The following NBEA variants were observed in gnomAD, a reference collection of about 807,000 sequenced individuals.
NBEA encodes neurobeachin.
A neutral mutation model predicts 343.4 loss-of-function variants in NBEA; 44 were observed. The ratio of observed to expected loss-of-function variants is 0.13; its 90% CI spans 0.10 to 0.16. NBEA has a LOEUF of 0.16. NBEA is among the 10% of genes least tolerant of loss of function. The pLI, the probability that NBEA is intolerant of heterozygous loss-of-function variation, is 1.00. For synonymous variants in NBEA, 1,175 were observed against 1,238.7 expected, an observed-to-expected ratio of 0.95 and a Z score of 1.08; for missense variants, 2,555 against 3,631.3, an observed-to-expected ratio of 0.70 and a Z score of 7.62.
chr13:35,217,332 C>T (rs763734122), intron 33 of NBEA, among the ~76,000 whole-genome samples: 42 of 151,846 alleles, frequency 2.8e-4, no homozygotes, highest in Non-Finnish European at 5.0e-4. Flanking sequence ...CTGTTTCATC[C>T]TTTTAATGGG....
At chr13:35,444,229 T>C (rs1378814910) in intron 39 of NBEA, among the ~76,000 whole-genome samples, 2 of 151,974 alleles carry the variant, frequency 1.3e-5, no homozygotes, top group African/African-American at 2.4e-5. Context: ...TTGCACAAGA[T>C]TGTGTCATCA....
At chr13:35,198,756 T>G (rs2072807291) in intron 31 of NBEA, among the ~76,000 whole-genome samples, 1 of 151,504 alleles carries the variant, frequency 6.6e-6, no homozygotes, top group Non-Finnish European at 1.5e-5. Context: ...GTGATATTGA[T>G]GAAAGGAGGG....
intron 47 of NBEA, among the ~76,000 whole-genome samples, chr13:35,595,780 T>C (rs1010588558): frequency 6.6e-6 from 1 of 152,040 alleles, no homozygotes; most frequent in Non-Finnish European, 1.5e-5. Flanking sequence ...TGTGCAAGGG[T>C]ACCTCCTTCC....
intron 10 of NBEA, among the ~76,000 whole-genome samples, chr13:35,089,379 A>G (rs1311946629): frequency 1.3e-5 from 2 of 150,212 alleles, no homozygotes; most frequent in Non-Finnish European, 3.0e-5. Flanking sequence ...CACACCAGTT[A>G]GAATGGCAAT....
At chr13:35,143,708 C>T (rs114607098) in intron 18 of NBEA, among the ~76,000 whole-genome samples, 4,221 of 152,044 alleles carry the variant, frequency 0.028, 86 homozygotes, top group South Asian at 0.075. Context: ...AGATGCTAAG[C>T]TTCTGAATGG....
intron 39 of NBEA, among the ~76,000 whole-genome samples, chr13:35,447,677 T>C (rs1479006126): frequency 6.6e-6 from 1 of 152,140 alleles, no homozygotes. Flanking sequence ...GGCAATAGCA[T>C]ATATGTCTAT....
At chr13:35,656,453 C>T (rs1303380904) in intron 55 of NBEA, among the ~76,000 whole-genome samples, 1 of 152,134 alleles carries the variant, frequency 6.6e-6, no homozygotes. Context: ...TTGTTTAATC[C>T]GCAGCCTCTC....
At chr13:35,022,460 C>A (rs933569164) in intron 1 of NBEA, among the ~76,000 whole-genome samples, 1 of 151,964 alleles carries the variant, frequency 6.6e-6, no homozygotes, top group African/African-American at 2.4e-5. Flanking sequence ...AAATAGGAAG[C>A]AAATAAGTAA....
At chr13:35,508,460 A>G (rs183246315) in intron 41 of NBEA, among the ~76,000 whole-genome samples, 1 of 152,320 alleles carries the variant, frequency 6.6e-6, no homozygotes. Flanking sequence ...AATGAATTGG[A>G]TGACAACAAT....
intron 41 of NBEA, among the ~76,000 whole-genome samples, chr13:35,535,105 C>G: frequency 7.6e-6 from 1 of 132,242 alleles, no homozygotes; most frequent in South Asian, 2.2e-4. Flanking sequence ...CTCTTTTTAC[C>G]CAATTATAGA....
At chr13:35,309,741 C>A in intron 36 of NBEA, 149 bp downstream of exon 36, 1 of 553,022 alleles carries the variant, frequency 1.8e-6, no homozygotes, top group Non-Finnish European at 3.2e-6. Flanking sequence ...TAATCTTTAA[C>A]AAAGTTTAAA....
intron 58 of NBEA, among the ~76,000 whole-genome samples, chr13:35,669,347 C>A (rs942219039): frequency 6.6e-6 from 1 of 152,132 alleles, no homozygotes; most frequent in Non-Finnish European, 1.5e-5. Context: ...TGTTAATCAA[C>A]GTTTTTCCCA....
chr13:35,195,108 T>G (rs17051920), intron 30 of NBEA, among the ~76,000 whole-genome samples: 1 of 152,086 alleles, frequency 6.6e-6, no homozygotes. Context: ...TCAGATATTA[T>G]TAGTTATTGA....
At chr13:35,317,234 A>C (rs2152837655) in intron 36 of NBEA, among the ~76,000 whole-genome samples, 1 of 151,952 alleles carries the variant, frequency 6.6e-6, no homozygotes, top group South Asian at 2.1e-4. Flanking sequence ...TAGGGTTTTT[A>C]TGGTTTTACG....
chr13:35,622,277 G>T (rs559794871), intron 48 of NBEA, among the ~76,000 whole-genome samples: 211 of 152,278 alleles, frequency 1.4e-3, no homozygotes, highest in African/African-American at 4.8e-3. Flanking sequence ...GAGAAACAGT[G>T]GGGAAAGGTG....
intron 41 of NBEA, among the ~76,000 whole-genome samples, chr13:35,506,990 C>G (rs917170112): frequency 2.6e-5 from 4 of 152,098 alleles, no homozygotes; most frequent in African/African-American, 4.8e-5. Flanking sequence ...CCCCTTGTCC[C>G]CCTTAAAGCT....
intron 1 of NBEA, among the ~76,000 whole-genome samples, chr13:35,006,884 C>T (rs953461081): frequency 1.3e-5 from 2 of 152,210 alleles, no homozygotes; most frequent in South Asian, 4.1e-4. Context: ...TCTCGAATAG[C>T]TGGGATTACA....
intron 38 of NBEA, among the ~76,000 whole-genome samples, chr13:35,400,023 A>T (rs113623326): frequency 5.5e-5 from 1 of 18,284 alleles, no homozygotes; most frequent in Non-Finnish European, 3.9e-4. Context: ...AAACAGTTGT[A>T]GTAACATCAA....
intron 35 of NBEA, among the ~76,000 whole-genome samples, chr13:35,308,458 A>ATATATATATATATG (rs2037070800): frequency 8.4e-6 from 1 of 118,466 alleles, no homozygotes; most frequent in African/African-American, 4.1e-5. Context: ...ATATATATAT[A>ATATATATATATATG]TATATATATA....
Sources: allele counts gnomAD v4.1 joint callset (sites outside exome capture counted in the v4.1 genomes callset), GRCh38; gene constraint gnomAD v4.1.1; transcripts MANE v1.5; gene names NCBI Gene and HGNC (gene_info 2026-07-23, HGNC 2026-07-21).